LRRTM4: variants seen among roughly 807,000 people sequenced by gnomAD.
LRRTM4 encodes leucine-rich repeat transmembrane neuronal protein 4.
LRRTM4 carries 25 observed loss-of-function variants against 47.6 expected under a neutral mutation model. That is an observed-to-expected ratio of 0.53 (90% CI 0.38 to 0.73). The LOEUF (loss-of-function observed/expected upper bound fraction) is 0.73. Ranked by LOEUF, LRRTM4 falls within the 30% of genes least tolerant of loss-of-function variation. The pLI, the probability that LRRTM4 is intolerant of heterozygous loss-of-function variation, is 0.00. For synonymous variants in LRRTM4, 311 were observed against 269.5 expected (o/e 1.15, Z -1.51); for missense variants, 638 against 713.4 (o/e 0.89, Z 1.20).
chr2:77,195,458 A>C (rs1673794412), intron 3 of LRRTM4, among the ~76,000 whole-genome samples: 1 of 152,110 alleles, frequency 6.6e-6, no homozygotes, highest in African/African-American at 2.4e-5. Context: ...TTTAACAAGT[A>C]GGAAAACTTA....
At chr2:77,429,633 T>C (rs1675276811) in intron 3 of LRRTM4, among the ~76,000 whole-genome samples, 1 of 152,142 alleles carries the variant, frequency 6.6e-6, no homozygotes, top group South Asian at 2.1e-4. Context: ...TTTCACTTTA[T>C]GTGTATGTGG....
intron 3 of LRRTM4, among the ~76,000 whole-genome samples, chr2:76,921,909 C>T (rs1252381104): frequency 6.6e-6 from 1 of 151,928 alleles, no homozygotes; most frequent in Non-Finnish European, 1.5e-5. Flanking sequence ...TGTGTATATC[C>T]AAGGAAATAA....
At chr2:77,201,010 T>G (rs1673958759) in intron 3 of LRRTM4, among the ~76,000 whole-genome samples, 1 of 152,122 alleles carries the variant, frequency 6.6e-6, no homozygotes, top group Admixed American at 6.6e-5. Context: ...AAGGCAAGTG[T>G]ACGTAAGCCA....
intron 3 of LRRTM4, among the ~76,000 whole-genome samples, chr2:76,824,492 G>A (rs1023638166): frequency 2.0e-5 from 3 of 151,382 alleles, no homozygotes; most frequent in Admixed American, 6.6e-5. Context: ...TTTATTAAAT[G>A]AGTCAGCAGG....
intron 3 of LRRTM4, among the ~76,000 whole-genome samples, chr2:76,841,760 AAATG>A (rs1386014038): frequency 6.6e-6 from 1 of 152,058 alleles, no homozygotes; most frequent in Non-Finnish European, 1.5e-5. Flanking sequence ...AAGTATATAA[AAATG>A]AAAGAAGGCA....
chr2:77,257,963 G>A (rs1357625901), intron 3 of LRRTM4, among the ~76,000 whole-genome samples: 1 of 151,964 alleles, frequency 6.6e-6, no homozygotes, highest in Non-Finnish European at 1.5e-5. Context: ...GGGCGTGGTG[G>A]TGCATGCCTG....
chr2:77,235,605 A>G (rs146451633), intron 3 of LRRTM4, among the ~76,000 whole-genome samples: 9 of 152,256 alleles, frequency 5.9e-5, no homozygotes, highest in African/African-American at 9.6e-5. Context: ...GGTGTCCAGA[A>G]TAATGTTTCT....
chr2:77,024,723 C>A (rs1351659862), intron 3 of LRRTM4, among the ~76,000 whole-genome samples: 1 of 151,986 alleles, frequency 6.6e-6, no homozygotes, highest in Non-Finnish European at 1.5e-5. Flanking sequence ...ATGTATGAAC[C>A]ACTCTGAAAA....
At chr2:76,866,382 G>C (rs1314263308) in intron 3 of LRRTM4, among the ~76,000 whole-genome samples, 1 of 152,154 alleles carries the variant, frequency 6.6e-6, no homozygotes. Context: ...GTTTTCATCA[G>C]CTCTGCTGGT....
At chr2:76,792,169 A>G (rs1022012619) in intron 3 of LRRTM4, among the ~76,000 whole-genome samples, 2 of 152,198 alleles carry the variant, frequency 1.3e-5, no homozygotes, top group Non-Finnish European at 2.9e-5. Context: ...AGACGATCAT[A>G]TACATGGCTT....
At chr2:77,068,497 T>A (rs1680035861) in intron 3 of LRRTM4, among the ~76,000 whole-genome samples, 1 of 152,218 alleles carries the variant, frequency 6.6e-6, no homozygotes, top group Non-Finnish European at 1.5e-5. Context: ...ACCATGAATC[T>A]CCTTTCTATC....
At chr2:77,218,345 T>C (rs1674516592) in intron 3 of LRRTM4, among the ~76,000 whole-genome samples, 2 of 152,072 alleles carry the variant, frequency 1.3e-5, no homozygotes, top group African/African-American at 4.8e-5. Context: ...TTGAGTTATT[T>C]TGGTTATGTT....
intron 3 of LRRTM4, among the ~76,000 whole-genome samples, chr2:76,868,471 G>A (rs1672527969): frequency 6.6e-6 from 1 of 152,106 alleles, no homozygotes; most frequent in African/African-American, 2.4e-5. Context: ...TTTGTACACT[G>A]TTCGTGGTTA....
At chr2:77,114,039 G>T (rs975729208) in intron 3 of LRRTM4, among the ~76,000 whole-genome samples, 1 of 152,144 alleles carries the variant, frequency 6.6e-6, no homozygotes, top group Admixed American at 6.5e-5. Flanking sequence ...AGGTGGGGGA[G>T]GAGTAGGCGA....
chr2:77,182,384 T>G (rs766048522), intron 3 of LRRTM4, among the ~76,000 whole-genome samples: 2 of 151,910 alleles, frequency 1.3e-5, no homozygotes, highest in Non-Finnish European at 2.9e-5. Context: ...TGAGAACACA[T>G]GGACACAGGA....
At chr2:77,360,548 TCATACATA>T (rs34364581) in intron 3 of LRRTM4, among the ~76,000 whole-genome samples, 6,150 of 138,698 alleles carry the variant, frequency 0.044, 334 homozygotes, top group African/African-American at 0.12. Flanking sequence ...ATACAATCAT[TCATACATA>T]CATACATACA....
intron 3 of LRRTM4, among the ~76,000 whole-genome samples, chr2:77,216,573 C>G (rs1435692430): frequency 6.6e-6 from 1 of 152,006 alleles, no homozygotes; most frequent in African/African-American, 2.4e-5. Flanking sequence ...ATAAGAAATA[C>G]AGTATATATT....
chr2:76,856,997 CTT>C (rs1373759374), intron 3 of LRRTM4, among the ~76,000 whole-genome samples: 3 of 151,880 alleles, frequency 2.0e-5, no homozygotes, highest in Non-Finnish European at 4.4e-5. Context: ...AAATTTCTCT[CTT>C]AATGTTCTAG....
At chr2:77,422,390 C>G (rs1674936003) in intron 3 of LRRTM4, among the ~76,000 whole-genome samples, 2 of 152,132 alleles carry the variant, frequency 1.3e-5, no homozygotes, top group African/African-American at 4.8e-5. Context: ...GCATCCATGT[C>G]TGATGCAGAA....
Sources: allele counts gnomAD v4.1 joint callset (sites outside exome capture counted in the v4.1 genomes callset), GRCh38; gene constraint gnomAD v4.1.1; transcripts MANE v1.5; gene names NCBI Gene and HGNC (gene_info 2026-07-23, HGNC 2026-07-21).